PREX2: variants seen among roughly 807,000 people sequenced by gnomAD.
PREX2 encodes the protein phosphatidylinositol 3,4,5-trisphosphate-dependent Rac exchanger 2 protein.
Under a neutral mutation model 203.2 loss-of-function variants are expected in PREX2, and 107 were observed. The ratio of observed to expected loss-of-function variants is 0.53; its 90% CI spans 0.45 to 0.62. The LOEUF is 0.62. Among genes scored for constraint, PREX2 ranks in the 20% least tolerant of loss-of-function variants. The pLI is 0.00. For missense variants in PREX2, 1,777 were observed against 1,955.9 expected, an observed-to-expected ratio of 0.91 and a Z score of 1.72; for synonymous variants, 672 against 663.6, an observed-to-expected ratio of 1.01 and a Z score of -0.19.
intron 20 of PREX2, among the ~76,000 whole-genome samples, chr8:68,091,374 A>G (rs1809869041): frequency 1.3e-5 from 2 of 152,238 alleles, no homozygotes; most frequent in Admixed American, 6.5e-5. Flanking sequence ...AAATGTGAGT[A>G]TTGGCATATA....
At chr8:68,171,657 C>A (rs2129614243) in intron 35 of PREX2, among the ~76,000 whole-genome samples, 1 of 152,276 alleles carries the variant, frequency 6.6e-6, no homozygotes, top group South Asian at 2.1e-4. Flanking sequence ...CTCCCCATCC[C>A]TTTCTCTTTC....
At chr8:67,997,570 C>T (rs1031184987) in intron 1 of PREX2, among the ~76,000 whole-genome samples, 2 of 151,868 alleles carry the variant, frequency 1.3e-5, no homozygotes, top group African/African-American at 4.8e-5. Context: ...TCCTTTTTTT[C>T]CCCCAAGATT....
At chr8:68,183,017 T>A (rs1224528504) in intron 35 of PREX2, among the ~76,000 whole-genome samples, 1 of 151,708 alleles carries the variant, frequency 6.6e-6, no homozygotes. Context: ...GGAGATCAAG[T>A]AAGGACATGG....
chr8:68,018,340 G>A (rs1807465406), intron 2 of PREX2, among the ~76,000 whole-genome samples: 3 of 152,088 alleles, frequency 2.0e-5, no homozygotes, highest in South Asian at 4.1e-4. Flanking sequence ...GGTAGCACAT[G>A]CGTGTAATCC....
intron 9 of PREX2, among the ~76,000 whole-genome samples, chr8:68,055,374 C>T (rs1808645494): frequency 6.6e-6 from 1 of 152,186 alleles, no homozygotes; most frequent in South Asian, 2.1e-4. Flanking sequence ...CCTGTGCATT[C>T]AAGACAGGTC....
Position 68,056,700 on chromosome 8 carries a change from A to T in PREX2, c.1238+726A>T. On this transcript the variant is annotated intron_variant, in intron 10 of 39. Coordinates refer to ENST00000288368, the MANE Select transcript of PREX2 (RefSeq NM_024870.4). ...ACTTAGGTAGGAGTTAAATACCATT[A>T]TACTTTTTTAAAGATACAGAAACTC... Among the ~76,000 whole-genome samples the T allele has an allele frequency of 2.0e-5, 3 of 152,322 alleles. No homozygotes were observed. In the South Asian group the frequency reaches 6.2e-4, roughly 32 times the overall value.
chr8:68,166,292 C>T (rs569440057), intron 35 of PREX2, among the ~76,000 whole-genome samples: 1 of 152,282 alleles, frequency 6.6e-6, no homozygotes, highest in East Asian at 1.9e-4. Flanking sequence ...GTGCTGGTAC[C>T]AAGCCCTGCT....
intron 10 of PREX2, among the ~76,000 whole-genome samples, chr8:68,059,798 A>G (rs767737108): frequency 9.2e-5 from 14 of 152,156 alleles, no homozygotes; most frequent in Non-Finnish European, 1.6e-4. Flanking sequence ...TTGAGGCTGC[A>G]AGAATGAAGT....
chr8:68,051,611 T>A (rs899389683), intron 8 of PREX2, among the ~76,000 whole-genome samples: 11 of 152,188 alleles, frequency 7.2e-5, no homozygotes, highest in African/African-American at 2.7e-4. Context: ...TGCACTGTAA[T>A]TATGAAGTAA....
At chr8:68,069,997 C>A in intron 13 of PREX2, 113 bp downstream of exon 13, 1 of 522,380 alleles carries the variant, frequency 1.9e-6, no homozygotes, top group Non-Finnish European at 3.4e-6. Context: ...TTTCACTTTA[C>A]TTTAAAATAT....
rs968029245 is a variant in PREX2, at chr8:68,167,837, T to G, written c.4346+10401T>G. Reference sequence around the variant, plus strand: ...GAATTTTAGAAAGCTTCTTAGGAGATTCTACTGTGCACCCCAAATTGGAAA... The same window carrying G: ...GAATTTTAGAAAGCTTCTTAGGAGAGTCTACTGTGCACCCCAAATTGGAAA... On this transcript the variant is annotated intron_variant, in intron 35 of 39. Coordinates refer to ENST00000288368, the MANE Select transcript of PREX2 (RefSeq NM_024870.4). 1.6e-4 allele frequency among the ~76,000 whole-genome samples: 24 copies of G among 152,324 alleles called. No homozygotes were observed. In the East Asian group the frequency reaches 4.2e-3, roughly 27 times the overall value.
Position 68,030,560 on chromosome 8 carries a change from GC to G in PREX2, c.609del (p.Met204Ter). The G allele has an allele frequency of 6.2e-7, 1 of 1,613,730 alleles. No individual in the cohort carries two copies. Among genetic ancestry groups the G allele is most frequent in the Non-Finnish European group, 8.5e-7 (1 of 1,179,718 alleles). On this transcript the variant is annotated frameshift_variant, in exon 6 of 40. Coordinates refer to ENST00000288368, the MANE Select transcript of PREX2 (RefSeq NM_024870.4). LOFTEE classifies it high-confidence loss of function. ...DYAAVMEALQAMKAVCSNINE... is the reference protein window; with the variant it reads ...DYAAVMEALQXMKAVCSNINE... ...TGCAGCAGTGATGGAAGCCCTCCAA[GC>G]CATGAAAGCTGTCTGTTCCAACATA...
intron 4 of PREX2, among the ~76,000 whole-genome samples, chr8:68,024,247 A>G (rs2129610335): frequency 6.6e-6 from 1 of 152,188 alleles, no homozygotes; most frequent in African/African-American, 2.4e-5. Context: ...TATTATTCAT[A>G]TTGTTTAATG....
At chr8:68,095,522 T>A (rs1810034193) in intron 21 of PREX2, among the ~76,000 whole-genome samples, 1 of 144,576 alleles carries the variant, frequency 6.9e-6, no homozygotes, top group Non-Finnish European at 1.5e-5. Flanking sequence ...CATACATACA[T>A]ACATACATAC....
intron 35 of PREX2, among the ~76,000 whole-genome samples, chr8:68,167,146 A>G (rs1315714689): frequency 6.6e-6 from 1 of 152,062 alleles, no homozygotes; most frequent in Non-Finnish European, 1.5e-5. Flanking sequence ...GCTTCCAAAT[A>G]ATAATTTTAA....
At chr8:68,002,119 T>A (rs10156222) in intron 1 of PREX2, among the ~76,000 whole-genome samples, 1 of 147,450 alleles carries the variant, frequency 6.8e-6, no homozygotes, top group Non-Finnish European at 1.5e-5. Context: ...GGAGAAGATA[T>A]TAATTTTGCC....
chr8:68,154,900 G>A (rs913566198), intron 34 of PREX2, among the ~76,000 whole-genome samples: 8 of 152,170 alleles, frequency 5.3e-5, no homozygotes, highest in Admixed American at 4.6e-4. Flanking sequence ...GGGGAATGTA[G>A]GAGGCAGTAA....
chr8:68,000,400 A>G (rs1806905797), intron 1 of PREX2, among the ~76,000 whole-genome samples: 1 of 152,178 alleles, frequency 6.6e-6, no homozygotes, highest in African/African-American at 2.4e-5. Context: ...GGGAGTTGAA[A>G]GATCTCTACA....
intron 10 of PREX2, 105 bp from the exon 11 acceptor site, chr8:68,060,574 A>G (rs1808818945): frequency 2.8e-6 from 2 of 716,108 alleles, no homozygotes; most frequent in Non-Finnish European, 2.4e-6. Flanking sequence ...ATATTCCTTT[A>G]TATTTTGAGA....
Sources: allele counts gnomAD v4.1 joint callset (sites outside exome capture counted in the v4.1 genomes callset), GRCh38; gene constraint gnomAD v4.1.1; transcripts MANE v1.5; gene names NCBI Gene and HGNC (gene_info 2026-07-23, HGNC 2026-07-21).